AOC2: variants seen among roughly 807,000 people sequenced by gnomAD.
AOC2 encodes amine oxidase [copper-containing] 2.
AOC2 carries 57 observed loss-of-function variants against 53.8 expected under a neutral mutation model. The ratio of observed to expected loss-of-function variants is 1.06; its 90% CI spans 0.86 to 1.32. The LOEUF (loss-of-function observed/expected upper bound fraction) is 1.32, where lower values mean the gene tolerates loss of function less well. AOC2 is among the 40% of genes most tolerant of loss of function. The probability of loss-of-function intolerance (pLI) is 0.00; values close to 1 mark genes in which losing one functional copy is unlikely to be tolerated. For missense variants in AOC2, 1,008 were observed against 957.2 expected, an observed-to-expected ratio of 1.05 and a Z score of -0.70; for synonymous variants, 404 against 399.0, an observed-to-expected ratio of 1.01 and a Z score of -0.15.
chr17:42,844,782 G>A lies in AOC2; in HGVS notation c.156G>A (p.Gln52=), dbSNP rs148251573. ...HRAQPWPHPG[Q]SQLFADLSRE... ...CCCAGCCCTGGCCACACCCTGGCCAGAGCCAGCTGTTTGCAGACCTGAGCC... is the reference window on the plus strand; with the variant it reads ...CCCAGCCCTGGCCACACCCTGGCCAAAGCCAGCTGTTTGCAGACCTGAGCC... Residue 52 remains glutamine (Q), a synonymous_variant, in exon 1 of 4, where the codon CAG becomes CAA. Coordinates refer to ENST00000253799, the MANE Select transcript of AOC2 (RefSeq NM_009590.4). 6.2e-7 allele frequency: 1 copy of A among 1,614,110 alleles called. No individual in the cohort carries two copies. Among genetic ancestry groups the A allele is most frequent in the Non-Finnish European group, 8.5e-7 (1 of 1,180,036 alleles).
chr17:42,849,763 C>T, intron 3 of AOC2, 33 bp downstream of exon 3: 1 of 1,613,502 alleles, frequency 6.2e-7, no homozygotes, highest in Non-Finnish European at 8.5e-7. Context: ...GAAAGGGACA[C>T]CTGTGGGCAT....
rs369780298 is a variant in AOC2, at chr17:42,846,261, T to C, written c.1588+47T>C. 396 of 1,194,552 alleles carry C rather than the reference T, an allele frequency of 3.3e-4. 1 individual carries two copies. The highest frequency in any genetic ancestry group is 4.2e-4 in the Non-Finnish European group (379 of 906,532). The allele number at this position is 1,194,552 out of a possible 1,614,324, so 74.0% of individuals were successfully genotyped here. ...ATGGAGACTTGGGGGCGGGGTCAGG[T>C]GGGGTGGAGGGAAGGGAAGGGAATC... On this transcript the variant is annotated intron_variant, in intron 1 of 3. Transcript: ENST00000253799.
rs754467491 is a variant in AOC2, at chr17:42,845,730, C to T, written c.1104C>T (p.Ala368=). 23 of 1,613,986 alleles carry T rather than the reference C, an allele frequency of 1.4e-5. No homozygotes were observed. Among genetic ancestry groups the T allele is most frequent in the East Asian group, 6.7e-5 (3 of 44,890 alleles). ...AGGAGTGTGTATCTATCTATGGTGCCGATTCACCCAAGACGATGCTGACTC... is the reference window on the plus strand; with the variant it reads ...AGGAGTGTGTATCTATCTATGGTGCTGATTCACCCAAGACGATGCTGACTC... ...SVQECVSIYG[A]DSPKTMLTRY... is the part of the protein sequence containing the mutation. The change falls in exon 1 of 4, where the codon GCC becomes GCT. Residue 368 remains alanine, a synonymous_variant. Transcript: ENST00000253799.
Position 42,848,600 on chromosome 17 carries a change from G to C in AOC2, c.1589-486G>C, listed in dbSNP as rs533483566. On this transcript the variant is annotated intron_variant, in intron 1 of 3. Transcript: ENST00000253799. The stretch of plus-strand genomic sequence containing the variant: ...GAGTCTTGCTCTGTTGCCCAGGCTA[G>C]AGTGCAGTGGTGTGACCTCAGCTCA... 6.1e-5 allele frequency among the ~76,000 whole-genome samples: 9 copies of C among 147,338 alleles called. No individual in the cohort carries two copies. In the South Asian group the frequency reaches 1.1e-3, roughly 17 times the overall value.
chr17:42,846,016 A>T lies in AOC2; in HGVS notation c.1390A>T (p.Asn464Tyr). 1 of 1,613,904 alleles carries T rather than the reference A, an allele frequency of 6.2e-7. No individual in the cohort carries two copies. The highest frequency in any genetic ancestry group is 2.2e-5 in the East Asian group (1 of 44,864). Residue 464 changes from asparagine (N) to tyrosine (Y), a missense_variant, in exon 1 of 4, where the codon AAC (asparagine) becomes TAC (tyrosine). Coordinates refer to ENST00000253799, the MANE Select transcript of AOC2 (RefSeq NM_009590.4). ...GGTCAGGTCTGTGTCATCTGTGGGC[A>T]ACTATGACTACATTTGGGACTTTGT... ...LVVRSVSSVG[N>Y]YDYIWDFVLY...
At position 42,844,613 on chromosome 17, in the gene AOC2, T is replaced by C. The variant is rs1322630466; in HGVS notation, c.-14T>C. 3 of 1,593,412 alleles carry C rather than the reference T, an allele frequency of 1.9e-6. No homozygotes were observed. The highest frequency in any genetic ancestry group is 2.6e-6 in the Non-Finnish European group (3 of 1,165,188). ...CAGCTGTTAGAATTCTGATTTCAGC[T>C]CTCAGCATCCACCATGCATCTCAAG... On this transcript the variant is annotated 5_prime_UTR_variant, in exon 1 of 4. Coordinates refer to ENST00000253799, the MANE Select transcript of AOC2 (RefSeq NM_009590.4).
chr17:42,845,193 C>G lies in AOC2; in HGVS notation c.567C>G (p.Ile189Met), dbSNP rs755928795. The G allele has an allele frequency of 6.2e-7, 1 of 1,613,918 alleles. No homozygotes were observed. Among genetic ancestry groups the G allele is most frequent in the Non-Finnish European group, 8.5e-7 (1 of 1,180,014 alleles). ...AGGTGGAGCTACCCAAGGCACCCAT[C>G]TTCCTGTCGTCCACCTTCAACTACA... is the stretch of plus-strand genomic sequence containing the variant. ...LKEVELPKAP[I>M]FLSSTFNYNG... Residue 189 changes from isoleucine to methionine, a missense_variant, in exon 1 of 4, where the codon ATC becomes ATG. Transcript: ENST00000253799.
Position 42,846,041 on chromosome 17 carries a change from T to C in AOC2, c.1415T>C (p.Val472Ala), listed in dbSNP as rs763710922. The C allele has an allele frequency of 1.9e-6, 3 of 1,611,524 alleles. No homozygotes were observed. The highest frequency in any genetic ancestry group is 2.5e-6 in the Non-Finnish European group (3 of 1,177,998). Reference protein sequence around the residue: ...VGNYDYIWDFVLYPNGALEGR... With the variant: ...VGNYDYIWDFALYPNGALEGR... ...AACTATGACTACATTTGGGACTTTG[T>C]GTTGTACCCAAATGGGGCACTTGAA... Residue 472 changes from valine (V) to alanine (A), a missense_variant, in exon 1 of 4, where the codon GTG becomes GCG. By Grantham distance (64) the Val-to-Ala change is moderately conservative. Coordinates refer to ENST00000253799, the MANE Select transcript of AOC2 (RefSeq NM_009590.4).
Position 42,846,336 on chromosome 17 carries a change from C to T in AOC2, c.1588+122C>T, listed in dbSNP as rs1475858394. ...GTGGCAAGAGCAGGGTGTTCCAACA[C>T]CACAGCTCTAGTGGCAACAGGGCAG... On this transcript the variant is annotated intron_variant, in intron 1 of 3. Coordinates refer to ENST00000253799, the MANE Select transcript of AOC2 (RefSeq NM_009590.4). 26 of 1,119,570 alleles carry T rather than the reference C, an allele frequency of 2.3e-5. No individual in the cohort carries two copies. In the East Asian group the frequency reaches 4.9e-4, roughly 21 times the overall value. The allele number at this position is 1,119,570 out of a possible 1,614,324, so 69.4% of individuals were successfully genotyped here. A position where few individuals can be genotyped will look rare whatever the true frequency, so the allele number is the denominator to read the frequency against.
Position 42,849,749 on chromosome 17 carries a change from A to G in AOC2, c.2004+19A>G, listed in dbSNP as rs561534045. ...AGGAGAGGTTGGTTGCCCTAGGGAC[A>G]TAGGAAAGGGACACCTGTGGGCATG... On this transcript the variant is annotated intron_variant, in intron 3 of 3. Transcript: ENST00000253799. 94 of 1,613,978 alleles carry G rather than the reference A, an allele frequency of 5.8e-5. 1 individual carries two copies. In the Middle Eastern group the frequency reaches 6.6e-4, roughly 11 times the overall value.
rs2055621127 is a variant in AOC2, at chr17:42,848,970, T to C, written c.1589-116T>C. ...TCCTGGCTCCCAGCACAGTGTGCTC[T>C]GATGCTCTCTCTGCCTTTTGTCACA... On this transcript the variant is annotated intron_variant, in intron 1 of 3. Coordinates refer to ENST00000253799, the MANE Select transcript of AOC2 (RefSeq NM_009590.4). 4 of 1,145,524 alleles carry C rather than the reference T, an allele frequency of 3.5e-6. No homozygotes were observed. The Admixed American group carries it at 8.2e-5, about 24-fold the overall frequency. 71.0% of individuals were successfully genotyped at this position (1,145,524 alleles called of 1,614,324 possible). A position where few individuals can be genotyped will look rare whatever the true frequency, so the allele number is the denominator to read the frequency against.
intron 1 of AOC2, among the ~76,000 whole-genome samples, chr17:42,847,113 G>A (rs988916159): frequency 6.6e-5 from 10 of 152,372 alleles, no homozygotes; most frequent in African/African-American, 1.9e-4. Context: ...ACTTGTGTTC[G>A]CAGTGGTGTG....
chr17:42,845,627 G>A lies in AOC2; in HGVS notation c.1001G>A (p.Gly334Asp), dbSNP rs1339515475. The A allele has an allele frequency of 3.1e-6, 5 of 1,614,042 alleles. No homozygotes were observed. Among genetic ancestry groups the A allele is most frequent in the Non-Finnish European group, 3.4e-6 (4 of 1,180,038 alleles). Reference sequence around the variant, plus strand: ...TCCTCCCTCTGGTCATTTACCTTTGGCCATGGGGTGTTCAGCGGCCTGAGG... The same window carrying A: ...TCCTCCCTCTGGTCATTTACCTTTGACCATGGGGTGTTCAGCGGCCTGAGG... Reference protein sequence around the residue: ...VVSSLWSFTFGHGVFSGLRIF... With the variant: ...VVSSLWSFTFDHGVFSGLRIF... Residue 334 changes from glycine to aspartate, a missense_variant, in exon 1 of 4, where the codon GGC becomes GAC. Coordinates refer to ENST00000253799, the MANE Select transcript of AOC2 (RefSeq NM_009590.4).
intron 3 of AOC2, 34 bp from the exon 4 acceptor site, chr17:42,850,048 T>C: frequency 6.2e-7 from 1 of 1,603,654 alleles, no homozygotes; most frequent in Non-Finnish European, 8.5e-7. Context: ...GGGTCACGCT[T>C]CCATAGTCCT....
At position 42,844,751 on chromosome 17, in the gene AOC2, A is replaced by G. The variant is rs764672383; in HGVS notation, c.125A>G (p.His42Arg). Residue 42 changes from histidine (H) to arginine (R), a missense_variant, in exon 1 of 4, where the codon CAT (histidine) becomes CGT (arginine). By Grantham distance (29) the His-to-Arg change is conservative. Coordinates refer to ENST00000253799, the MANE Select transcript of AOC2 (RefSeq NM_009590.4). ...SQPPHCPSVS[H>R]RAQPWPHPGQ... ...CCTCCCCACTGCCCCTCTGTATCCC[A>G]TAGGGCCCAGCCCTGGCCACACCCT... 2.9e-5 allele frequency: 46 copies of G among 1,613,970 alleles called. No individual in the cohort carries two copies.
At chr17:42,849,448 C>T in intron 2 of AOC2, 77 bp downstream of exon 2, 1 of 1,575,180 alleles carries the variant, frequency 6.3e-7, no homozygotes, top group Non-Finnish European at 8.7e-7. Context: ...AAACTCCCTT[C>T]CCACGGCTAC....
In AOC2 at chr17:42,847,680, G is replaced by A. The variant is rs1010410473; in HGVS notation, c.1589-1406G>A. The stretch of plus-strand genomic sequence containing the variant: ...GTCACCCAGGCTGGAGTGCAGCGGT[G>A]CAATCACAGGTTACTGCAGCCCTGA... On this transcript the variant is annotated intron_variant, in intron 1 of 3. Transcript: ENST00000253799. Among the ~76,000 whole-genome samples, 9 of 152,184 alleles carry A rather than the reference G, an allele frequency of 5.9e-5. No individual in the cohort carries two copies. In the South Asian group the frequency reaches 1.0e-3, roughly 18 times the overall value.
chr17:42,849,213 T>G lies in AOC2; in HGVS notation c.1716T>G (p.Ala572=), dbSNP rs746622808. 3.8e-5 allele frequency: 62 copies of G among 1,614,000 alleles called. No homozygotes were observed. In the Admixed American group the frequency reaches 9.8e-4, roughly 26 times the overall value. The part of the protein sequence containing the change: ...RQVLGKEDLT[A]FSLGSPLPRY... ...TCCTGGGAAAGGAGGACCTGACAGC[T>G]TTTTCCTTGGGAAGCCCCCTACCCC... is the stretch of plus-strand genomic sequence containing the variant. The change falls in exon 2 of 4, where the codon GCT becomes GCG. Residue 572 remains alanine (A), a synonymous_variant. Transcript: ENST00000253799.
chr17:42,847,767 C>G (rs187213657), intron 1 of AOC2, among the ~76,000 whole-genome samples: 1 of 151,546 alleles, frequency 6.6e-6, no homozygotes, highest in East Asian at 1.9e-4. Context: ...GACAGGCATA[C>G]ACTACCACGC....
Sources: allele counts gnomAD v4.1 joint callset (sites outside exome capture counted in the v4.1 genomes callset), GRCh38; gene constraint gnomAD v4.1.1; transcripts MANE v1.5; gene names NCBI Gene and HGNC (gene_info 2026-07-23, HGNC 2026-07-21).